Variants in SH2B3 observed in about 807,000 individuals in gnomAD.
SH2B3 encodes SH2B adaptor protein 3, also known as SH2B adapter protein 3.
Under a neutral mutation model 51.9 loss-of-function variants are expected in SH2B3, and 43 were observed. The observed-to-expected ratio is 0.83, with a 90% CI of 0.65 to 1.07. The LOEUF (loss-of-function observed/expected upper bound fraction) is 1.07, where lower values mean the gene tolerates loss of function less well. Ranked by LOEUF, SH2B3 falls within the 50% of genes least tolerant of loss-of-function variation. The probability of loss-of-function intolerance (pLI) is 0.00; values close to 1 mark genes in which losing one functional copy is unlikely to be tolerated. For missense variants in SH2B3, 952 were observed against 834.3 expected, an observed-to-expected ratio of 1.14 and a Z score of -1.74; for synonymous variants, 396 against 376.0, an observed-to-expected ratio of 1.05 and a Z score of -0.62.
intron 2 of SH2B3, among the ~76,000 whole-genome samples, chr12:111,431,013 C>T (rs1337320129): frequency 1.4e-5 from 2 of 146,544 alleles, no homozygotes; most frequent in Non-Finnish European, 3.0e-5. Flanking sequence ...CTCCGAGTGC[C>T]GGCCGGGGGT....
At position 111,449,164 on chromosome 12, in the gene SH2B3, A is replaced by C. The variant is rs955369832; in HGVS notation, c.*862A>C. 1 of 152,660 alleles carries C rather than the reference A, an allele frequency of 6.6e-6. No homozygotes were observed. Among genetic ancestry groups the C allele is most frequent in the Non-Finnish European group, 1.5e-5 (1 of 68,038 alleles). The allele number at this position is 152,660 out of a possible 1,614,324, so 9.5% of individuals were successfully genotyped here. A position where few individuals can be genotyped will look rare whatever the true frequency, so the allele number is the denominator to read the frequency against. On this transcript the variant is annotated 3_prime_UTR_variant, in exon 8 of 8. Coordinates refer to ENST00000341259, the MANE Select transcript of SH2B3 (RefSeq NM_005475.3). Reference sequence around the variant, plus strand: ...ATAGGAGGGTGGCAAGAACAGTTCTATCCTGGTGCCTTACGAATAAAAAAC... The same window carrying C: ...ATAGGAGGGTGGCAAGAACAGTTCTCTCCTGGTGCCTTACGAATAAAAAAC...
upstream of SH2B3, among the ~76,000 whole-genome samples, chr12:111,405,570 T>G (rs1870179592): frequency 6.6e-6 from 1 of 151,160 alleles, no homozygotes; most frequent in Admixed American, 6.6e-5. This position sits in a 1 kb window ranked among gnomAD's most constrained non-coding sequence, Gnocchi z 5.4. Flanking sequence ...AGGCACCTGG[T>G]GACCTGCCGG....
At chr12:111,446,718 G>A in intron 2 of SH2B3, 35 bp from the exon 3 acceptor site, 1 of 1,233,168 alleles carries the variant, frequency 8.1e-7, no homozygotes, top group Non-Finnish European at 1.1e-6. Flanking sequence ...AGAGCATCAG[G>A]AACAAGCCTT....
At chr12:111,422,100 G>A (rs1871606546) in intron 2 of SH2B3, among the ~76,000 whole-genome samples, 1 of 152,232 alleles carries the variant, frequency 6.6e-6, no homozygotes, top group Non-Finnish European at 1.5e-5. Context: ...TTTGTTTTGA[G>A]ACGGAGTCTC....
rs533050851 is a variant in SH2B3, at chr12:111,435,175, A to G, written c.733-11578A>G. The G allele has an allele frequency of 2.0e-4, 136 of 679,584 alleles. 2 individuals are homozygous for G. The highest frequency in any genetic ancestry group is 1.7e-3 in the African/African-American group (92 of 55,372). The allele number at this position is 679,584 out of a possible 1,614,324, so 42.1% of individuals were successfully genotyped here. On this transcript the variant is annotated intron_variant, in intron 2 of 7. Transcript: ENST00000341259. The surrounding 1 kb of genome is among the most constrained non-coding windows in gnomAD (Gnocchi z 4.8). Reference sequence around the variant, plus strand: ...ATCTTTTTCCACCCACACCCGGTGCAGAGCAGATGCTTGGCCGGGGCTTCC... The same window carrying G: ...ATCTTTTTCCACCCACACCCGGTGCGGAGCAGATGCTTGGCCGGGGCTTCC...
chr12:111,421,882 A>T (rs1272473985), intron 2 of SH2B3, among the ~76,000 whole-genome samples: 2 of 152,264 alleles, frequency 1.3e-5, no homozygotes. Context: ...ATGGACACAC[A>T]TCCTTTCATT....
intron 1 of SH2B3, among the ~76,000 whole-genome samples, chr12:111,417,202 G>A (rs1434920617): frequency 2.0e-5 from 3 of 152,168 alleles, no homozygotes; most frequent in Non-Finnish European, 4.4e-5. Context: ...CAGCTGGTGG[G>A]CATTTAGGTT....
rs977439487 is a variant in SH2B3, at chr12:111,409,889, GC to G, written c.-28+3619del. Among the ~76,000 whole-genome samples, 6 of 152,078 alleles carry G rather than the reference GC, an allele frequency of 3.9e-5. No individual in the cohort carries two copies. Among genetic ancestry groups the G allele is most frequent in the Admixed American group, 3.9e-4 (6 of 15,270 alleles). On this transcript the variant is annotated intron_variant, in intron 1 of 7. Coordinates refer to ENST00000341259, the MANE Select transcript of SH2B3 (RefSeq NM_005475.3). The surrounding 1 kb of genome is among the most constrained non-coding windows in gnomAD (Gnocchi z 4.0). ...CCCCAGGGGAACAGGTCCTCCTGGT[GC>G]CCCCCCACTCCCCGCCCCAGCCGGA...
chr12:111,415,845 T>C (rs1257873466), intron 1 of SH2B3, among the ~76,000 whole-genome samples: 4 of 152,026 alleles, frequency 2.6e-5, no homozygotes, highest in Non-Finnish European at 5.9e-5. Flanking sequence ...TGGTTTCGAA[T>C]TCCTGACCTC....
chr12:111,407,553 GGGAGA>G lies in SH2B3; in HGVS notation c.-28+1278_-28+1282del, dbSNP rs1870346648. Among the ~76,000 whole-genome samples, 1 of 152,214 alleles carries G rather than the reference GGGAGA, an allele frequency of 6.6e-6. No homozygotes were observed. Among genetic ancestry groups the G allele is most frequent in the African/African-American group, 2.4e-5 (1 of 41,456 alleles). On this transcript the variant is annotated intron_variant, in intron 1 of 7. Coordinates refer to ENST00000341259, the MANE Select transcript of SH2B3 (RefSeq NM_005475.3). The surrounding 1 kb of genome is among the most constrained non-coding windows in gnomAD (Gnocchi z 4.3). ...GCTCCTCGGGACCTGCCCTCGTGGA[GGGAGA>G]GCCGTCAGAGGCCACCTGGGCAGGC...
chr12:111,426,769 G>T (rs1872034181), intron 2 of SH2B3, among the ~76,000 whole-genome samples: 1 of 152,108 alleles, frequency 6.6e-6, no homozygotes, highest in Non-Finnish European at 1.5e-5. Flanking sequence ...CTTCCCATGA[G>T]CTGGAGTTCA....
At position 111,406,478 on chromosome 12, in the gene SH2B3, A is replaced by C. The variant is rs1870257095; in HGVS notation, c.-28+201A>C. Among the ~76,000 whole-genome samples the C allele has an allele frequency of 6.6e-6, 1 of 151,774 alleles. No homozygotes were observed. Among genetic ancestry groups the C allele is most frequent in the Non-Finnish European group, 1.5e-5 (1 of 67,900 alleles). On this transcript the variant is annotated intron_variant, in intron 1 of 7. Transcript: ENST00000341259. The surrounding 1 kb of genome is among the most constrained non-coding windows in gnomAD (Gnocchi z 5.7). ...GACCCCCCACTCAGCCACTACCCCC[A>C]CCCACACACGTGTTAGGGAGAGCGT...
intron 2 of SH2B3, among the ~76,000 whole-genome samples, chr12:111,431,301 AC>A (rs1443096630): frequency 6.6e-6 from 1 of 152,046 alleles, no homozygotes; most frequent in Non-Finnish European, 1.5e-5. Context: ...CAGGGGCACC[AC>A]TGTAGGAGGA....
At chr12:111,404,962 G>A (rs797001340), upstream of SH2B3, among the ~76,000 whole-genome samples, 5 of 152,260 alleles carry the variant, frequency 3.3e-5, no homozygotes, top group African/African-American at 1.2e-4. Context: ...CAAGCTGGGG[G>A]CGTGGGCGAC....
intron 6 of SH2B3, 23 bp downstream of exon 6, chr12:111,447,567 G>T: frequency 4.6e-6 from 7 of 1,534,244 alleles, no homozygotes; most frequent in South Asian, 3.5e-5. Context: ...GTGGGGTGGG[G>T]TGGGGCAGGC....
chr12:111,425,425 G>A (rs1331914284), intron 2 of SH2B3, among the ~76,000 whole-genome samples: 2 of 152,164 alleles, frequency 1.3e-5, no homozygotes, highest in Non-Finnish European at 2.9e-5. Flanking sequence ...TTGGCAGGAG[G>A]TGCCGGTCCT....
chr12:111,405,647 A>T (rs1031214799), upstream of SH2B3, among the ~76,000 whole-genome samples: 1 of 151,996 alleles, frequency 6.6e-6, no homozygotes, highest in African/African-American at 2.4e-5. The surrounding 1 kb of genome is among the most constrained non-coding windows in gnomAD (Gnocchi z 5.4). Flanking sequence ...AGACTGTGGG[A>T]CGCGAAATCG....
In SH2B3 at chr12:111,410,051, A is replaced by AC. The variant is rs1162223254; in HGVS notation, c.-28+3780dup. 3.3e-5 allele frequency among the ~76,000 whole-genome samples: 5 copies of AC among 151,760 alleles called. No homozygotes were observed. In the South Asian group the frequency reaches 1.0e-3, roughly 32 times the overall value. ...CCTGGGGGCCCACCCGGATGTGGCT[A>AC]CCCCCCGGCTGGCCAGTGGGGAGCC... On this transcript the variant is annotated intron_variant, in intron 1 of 7. Transcript: ENST00000341259. The surrounding 1 kb of genome is among the most constrained non-coding windows in gnomAD (Gnocchi z 4.9).
rs1018685515 is a variant in SH2B3, at chr12:111,409,990, G to A, written c.-28+3713G>A. The stretch of plus-strand genomic sequence containing the variant: ...CTGTCAGGGGTCGGCCAGCAGGGCC[G>A]GGCCACAGGCTTCCTTGTGAGCCAG... On this transcript the variant is annotated intron_variant, in intron 1 of 7. Coordinates refer to ENST00000341259, the MANE Select transcript of SH2B3 (RefSeq NM_005475.3). The surrounding 1 kb of genome is among the most constrained non-coding windows in gnomAD (Gnocchi z 4.0). Among the ~76,000 whole-genome samples, 22 of 152,186 alleles carry A rather than the reference G, an allele frequency of 1.4e-4. No individual in the cohort carries two copies. The highest frequency in any genetic ancestry group is 1.9e-4 in the East Asian group (1 of 5,192).
Sources: gnomAD v4.1 joint callset for allele counts (sites outside exome capture counted in the v4.1 genomes callset) on GRCh38, gnomAD v4.1.1 for gene constraint, Gnocchi (gnomAD v3.1) non-coding constraint, MANE v1.5 for transcripts, NCBI Gene and HGNC (gene_info 2026-07-23, HGNC 2026-07-21) for gene names.